Variants in NDNF observed in about 807,000 individuals in gnomAD.
NDNF encodes protein NDNF.
A neutral mutation model predicts 42.0 loss-of-function variants in NDNF; 16 were observed. That is an observed-to-expected ratio of 0.38 (90% CI 0.26 to 0.58). The LOEUF (loss-of-function observed/expected upper bound fraction) is 0.58, where lower values mean the gene tolerates loss of function less well. Ranked by LOEUF, NDNF falls within the 20% of genes least tolerant of loss-of-function variation. The pLI is 0.67. For missense variants in NDNF, 616 were observed against 666.2 expected (o/e 0.92, Z 0.83); for synonymous variants, 248 against 251.7 (o/e 0.99, Z 0.14).
chr4:121,036,480 C>T lies in NDNF; in HGVS notation c.1491G>A (p.Glu497=), dbSNP rs1453623901. 1.2e-6 allele frequency: 2 copies of T among 1,614,004 alleles called. No individual in the cohort carries two copies. The highest frequency in any genetic ancestry group is 4.5e-5 in the East Asian group (2 of 44,896). ...TATCTGGTCCTAGACATTGGTTTTG[C>T]TCTCTTTTCTTCTGGTCTTCATTGT... ...DNYNEDQKKR[E]QNQCLGPDIR... is the part of the protein sequence containing the mutation. Residue 497 remains glutamate, a synonymous_variant, in exon 4 of 4, where the codon GAG becomes GAA. Coordinates refer to ENST00000379692, the MANE Select transcript of NDNF (RefSeq NM_024574.4).
At chr4:121,068,810 C>T (rs896285886) in intron 1 of NDNF, among the ~76,000 whole-genome samples, 4 of 152,124 alleles carry the variant, frequency 2.6e-5, no homozygotes, top group African/African-American at 9.7e-5. Flanking sequence ...TTAATTAGCA[C>T]ATATGATGTG....
chr4:121,037,688 G>C, intron 3 of NDNF, 31 bp from the exon 4 acceptor site: 1 of 1,533,454 alleles, frequency 6.5e-7, no homozygotes, highest in Non-Finnish European at 8.7e-7. Context: ...ACAGGCTACT[G>C]TCAGGGCATA....
chr4:121,049,508 C>T, intron 1 of NDNF, among the ~76,000 whole-genome samples: 1 of 152,170 alleles, frequency 6.6e-6, no homozygotes, highest in East Asian at 1.9e-4. Context: ...TAATACGTCA[C>T]TCTGAGTAAT....
At position 121,038,511 on chromosome 4, in the gene NDNF, G is replaced by A. The variant is rs189714209; in HGVS notation, c.314-854C>T. Among the ~76,000 whole-genome samples, 27 of 152,174 alleles carry A rather than the reference G, an allele frequency of 1.8e-4. 1 individual carries two copies. Among genetic ancestry groups the A allele is most frequent in the African/African-American group, 4.6e-4 (19 of 41,504 alleles). On this transcript the variant is annotated intron_variant, in intron 3 of 3. Coordinates refer to ENST00000379692, the MANE Select transcript of NDNF (RefSeq NM_024574.4). ...CTAATTTTTTCCATATTTTGTTACC[G>A]TAAGTATCAGATATCACACAGATAT... is the stretch of plus-strand genomic sequence containing the variant.
chr4:121,053,954 G>A (rs182071815), intron 1 of NDNF, among the ~76,000 whole-genome samples: 10 of 152,262 alleles, frequency 6.6e-5, no homozygotes, highest in South Asian at 2.1e-4. Flanking sequence ...GCATGGCAGC[G>A]CGCCAGTAGC....
In NDNF at chr4:121,036,054, G is replaced by GACAC. The variant is rs1726858053; in HGVS notation, c.*206_*209dup. 2.1e-6 allele frequency: 1 copy of GACAC among 482,670 alleles called. No individual in the cohort carries two copies. The highest frequency in any genetic ancestry group is 3.6e-6 in the Non-Finnish European group (1 of 278,310). The allele number at this position is 482,670 out of a possible 1,614,324, so 29.9% of individuals were successfully genotyped here. A position where few individuals can be genotyped will look rare whatever the true frequency, so the allele number is the denominator to read the frequency against. On this transcript the variant is annotated 3_prime_UTR_variant, in exon 4 of 4. Transcript: ENST00000379692. ...CTATCTTTGACACCAACCGGCATCA[G>GACAC]ACACACACTAGGTACCATGGGGCAC...
rs1450924819 is a variant in NDNF, at chr4:121,045,885, T to C, written c.-1-47A>G. The C allele has an allele frequency of 1.9e-6, 3 of 1,561,558 alleles. No individual in the cohort carries two copies. The Admixed American group carries it at 5.5e-5, about 29-fold the overall frequency. ...CTTTATTAGTTCTGCAGGCAGACAC[T>C]CAGGCAAGTCACAGACTTTCTAAAG... On this transcript the variant is annotated intron_variant, in intron 1 of 3. Transcript: ENST00000379692.
intron 1 of NDNF, among the ~76,000 whole-genome samples, chr4:121,054,683 A>G (rs1727254372): frequency 6.6e-6 from 1 of 152,242 alleles, no homozygotes; most frequent in African/African-American, 2.4e-5. Context: ...CCAAGGTTGC[A>G]CTAAGCTTGA....
At chr4:121,040,253 C>G (rs1726975153) in intron 2 of NDNF, among the ~76,000 whole-genome samples, 199 bp from the exon 3 acceptor site, 1 of 152,036 alleles carries the variant, frequency 6.6e-6, no homozygotes, top group South Asian at 2.1e-4. Context: ...ACAGCATTAA[C>G]TGTGGAAGTC....
chr4:121,041,495 G>A (rs1355609983), intron 2 of NDNF, among the ~76,000 whole-genome samples: 2 of 152,166 alleles, frequency 1.3e-5, no homozygotes, highest in East Asian at 1.9e-4. Context: ...GACTGTGCTT[G>A]AACGTCTCTT....
At chr4:121,049,605 G>A (rs542994157) in intron 1 of NDNF, among the ~76,000 whole-genome samples, 1 of 152,032 alleles carries the variant, frequency 6.6e-6, no homozygotes, top group Non-Finnish European at 1.5e-5. Context: ...GCTTGCAAGT[G>A]GGCTAAAATC....
intron 3 of NDNF, chr4:121,038,984 A>G (rs1464408624): frequency 8.0e-6 from 1 of 124,618 alleles, no homozygotes; most frequent in East Asian, 2.2e-4. Flanking sequence ...CCCTGTCCTG[A>G]AAAAAAAAAA....
intron 1 of NDNF, among the ~76,000 whole-genome samples, chr4:121,048,340 T>A (rs549234964): frequency 6.6e-6 from 1 of 152,314 alleles, no homozygotes; most frequent in South Asian, 2.1e-4. Context: ...CACTCAAGGC[T>A]TACCTCCTTA....
intron 1 of NDNF, among the ~76,000 whole-genome samples, chr4:121,053,702 A>G (rs1727239240): frequency 6.6e-6 from 1 of 152,236 alleles, no homozygotes; most frequent in Non-Finnish European, 1.5e-5. Context: ...TGTCCTCTAT[A>G]TGTGAAACTG....
rs1726849703 is a variant in NDNF, at chr4:121,035,661, A to G, written c.*603T>C. 6.6e-6 allele frequency: 1 copy of G among 152,354 alleles called. No homozygotes were observed. The highest frequency in any genetic ancestry group is 2.1e-4 in the South Asian group (1 of 4,836). The allele number at this position is 152,354 out of a possible 1,614,324, so 9.4% of individuals were successfully genotyped here. ...TAATCTAATCTCTTTAATTTTATGT[A>G]CATGAATATAATGTATGTCAACTTT... On this transcript the variant is annotated 3_prime_UTR_variant, in exon 4 of 4. Coordinates refer to ENST00000379692, the MANE Select transcript of NDNF (RefSeq NM_024574.4).
chr4:121,056,449 C>T (rs934434441), intron 1 of NDNF, among the ~76,000 whole-genome samples: 1 of 152,172 alleles, frequency 6.6e-6, no homozygotes, highest in Non-Finnish European at 1.5e-5. Flanking sequence ...ATGTTAAATG[C>T]TCACTAAATA....
intron 3 of NDNF, among the ~76,000 whole-genome samples, chr4:121,039,235 T>A (rs1397197066): frequency 7.6e-6 from 1 of 131,998 alleles, no homozygotes; most frequent in African/African-American, 3.0e-5. Flanking sequence ...TATATATATA[T>A]AAAGACTATG....
chr4:121,057,015 C>T (rs2148769433), intron 1 of NDNF, among the ~76,000 whole-genome samples: 1 of 152,332 alleles, frequency 6.6e-6, no homozygotes, highest in Non-Finnish European at 1.5e-5. Context: ...TAGGCACTGC[C>T]TGACGTGCTG....
Position 121,036,846 on chromosome 4 carries a change from G to A in NDNF, c.1125C>T (p.Thr375=), listed in dbSNP as rs1351313519. The A allele has an allele frequency of 3.7e-6, 6 of 1,614,118 alleles. No homozygotes were observed. Among genetic ancestry groups the A allele is most frequent in the Non-Finnish European group, 4.2e-6 (5 of 1,180,016 alleles). Reference sequence around the variant, plus strand: ...CATCCAGACAAGAGTGAATAAAGAAGGTGACTTTTTGGTGAGAAGAGACTG... The same window carrying A: ...CATCCAGACAAGAGTGAATAAAGAAAGTGACTTTTTGGTGAGAAGAGACTG... The part of the protein sequence containing the change: ...FAPVSSHQKV[T]FFIHSCLDAV... Residue 375 remains threonine (T), a synonymous_variant, in exon 4 of 4, where the codon ACC becomes ACT. Coordinates refer to ENST00000379692, the MANE Select transcript of NDNF (RefSeq NM_024574.4).
Sources: allele counts gnomAD v4.1 joint callset (sites outside exome capture counted in the v4.1 genomes callset), GRCh38; gene constraint gnomAD v4.1.1; transcripts MANE v1.5; gene names NCBI Gene and HGNC (gene_info 2026-07-23, HGNC 2026-07-21).